The following ECE1 variants were observed in gnomAD, a reference collection of about 807,000 sequenced individuals.
ECE1 encodes endothelin-converting enzyme 1.
A neutral mutation model predicts 98.6 loss-of-function variants in ECE1; 35 were observed. The observed-to-expected ratio is 0.35, with a 90% CI of 0.27 to 0.47. The LOEUF (loss-of-function observed/expected upper bound fraction) is 0.47. Ranked by LOEUF, ECE1 falls within the 20% of genes least tolerant of loss-of-function variation. ECE1 has a pLI of 1.00. For synonymous variants in ECE1, 394 were observed against 407.1 expected (o/e 0.97, Z 0.39); for missense variants, 814 against 1,025.3 (o/e 0.79, Z 2.81).
chr1:21,264,319 CCTTT>C (rs1558398403), intron 4 of ECE1, among the ~76,000 whole-genome samples: 2 of 143,622 alleles, frequency 1.4e-5, no homozygotes, highest in Non-Finnish European at 1.5e-5. Flanking sequence ...TCCCCCCCCC[CCTTT>C]TTTTTTTTTG....
At chr1:21,254,386 AG>A (rs2098217238) in intron 8 of ECE1, among the ~76,000 whole-genome samples, 1 of 152,124 alleles carries the variant, frequency 6.6e-6, no homozygotes, top group African/African-American at 2.4e-5. Context: ...ATCTAAGCCC[AG>A]GGCTTGTGTA....
rs971623803 is a variant in ECE1, at chr1:21,235,710, AC to A, written c.1566+139del. Reference sequence around the variant, plus strand: ...AGAGGCTTCCTCATGCCTGACCCATACCCAAGCCCCACACCACATCATCCCT... The same window carrying A: ...AGAGGCTTCCTCATGCCTGACCCATACCAAGCCCCACACCACATCATCCCT... On this transcript the variant is annotated intron_variant, in intron 13 of 18. Coordinates refer to ENST00000374893, the MANE Select transcript of ECE1 (RefSeq NM_001397.3). This position sits in a 1 kb window ranked among gnomAD's most constrained non-coding sequence, Gnocchi z 4.2. The A allele has an allele frequency of 3.2e-6, 3 of 942,516 alleles. No individual in the cohort carries two copies. In the African/African-American group the frequency reaches 4.8e-5, roughly 15 times the overall value. 58.4% of individuals were successfully genotyped at this position (942,516 alleles called of 1,614,324 possible). A position where few individuals can be genotyped will look rare whatever the true frequency, so the allele number is the denominator to read the frequency against.
At chr1:21,337,382 A>G (rs1448099780) in intron 1 of ECE1, among the ~76,000 whole-genome samples, 1 of 152,224 alleles carries the variant, frequency 6.6e-6, no homozygotes, top group Non-Finnish European at 1.5e-5. Context: ...AACCAGGCCA[A>G]ACTAGAGGGC....
intron 2 of ECE1, among the ~76,000 whole-genome samples, chr1:21,281,114 C>T (rs183397513): frequency 1.3e-5 from 2 of 152,192 alleles, no homozygotes; most frequent in South Asian, 2.1e-4. Flanking sequence ...CGCTTGAACC[C>T]GGGAGGCGGA....
chr1:21,283,428 G>A (rs1431503161), intron 2 of ECE1, among the ~76,000 whole-genome samples: 5 of 151,888 alleles, frequency 3.3e-5, no homozygotes, highest in Admixed American at 6.6e-5. Context: ...CCGCCACCAC[G>A]CCGGGCTAAT....
chr1:21,280,324 G>A (rs2098252938), intron 2 of ECE1, among the ~76,000 whole-genome samples: 1 of 152,190 alleles, frequency 6.6e-6, no homozygotes, highest in Non-Finnish European at 1.5e-5. Flanking sequence ...CCAACTCAGG[G>A]CCATGCTGGA....
At chr1:21,343,297 G>A (rs12722999) in intron 1 of ECE1, among the ~76,000 whole-genome samples, 21,573 of 152,198 alleles carry the variant, frequency 0.14, 1,607 homozygotes, top group Middle Eastern at 0.19. Context: ...TAGAGTAAGT[G>A]TTCAACACGT....
intron 1 of ECE1, among the ~76,000 whole-genome samples, chr1:21,305,843 C>T (rs1054428605): frequency 3.9e-5 from 6 of 152,310 alleles, no homozygotes; most frequent in African/African-American, 7.2e-5. Context: ...CCACAAATAC[C>T]GCTGTGGTCA....
upstream of ECE1, chr1:21,290,486 A>G: frequency 8.2e-7 from 1 of 1,220,710 alleles, no homozygotes. This position sits in a 1 kb window ranked among gnomAD's most constrained non-coding sequence, Gnocchi z 7.3. Context: ...GCGTTGCACC[A>G]CCTTCGCGGG....
chr1:21,241,488 T>TA lies in ECE1; in HGVS notation c.1279-3245dup, dbSNP rs200313230. Among the ~76,000 whole-genome samples the TA allele has an allele frequency of 5.4e-3, 809 of 148,708 alleles. 6 individuals carry two copies. Among genetic ancestry groups the TA allele is most frequent in the African/African-American group, 0.019 (774 of 40,072 alleles). ...ATCAGGTTGGAGTGCAGTGGTGTGA[T>TA]ACCGGCTCACTGCAACCTCTGCTTC... On this transcript the variant is annotated intron_variant, in intron 10 of 18. Transcript: ENST00000374893.
At chr1:21,274,136 CA>C (rs2098243761) in intron 3 of ECE1, among the ~76,000 whole-genome samples, 1 of 152,254 alleles carries the variant, frequency 6.6e-6, no homozygotes, top group African/African-American at 2.4e-5. Flanking sequence ...ATGCAGGCAT[CA>C]TGTCCCTAGT....
chr1:21,344,128 AAAG>A (rs1213588140), intron 1 of ECE1, among the ~76,000 whole-genome samples: 15 of 152,298 alleles, frequency 9.8e-5, no homozygotes, highest in African/African-American at 2.9e-4. Context: ...GTGCCTAAGC[AAAG>A]AAGACCCTAG....
In ECE1 at chr1:21,307,613, C is replaced by T. The variant is rs1196061723; in HGVS notation, c.4-17457G>A. Reference sequence around the variant, plus strand: ...TTTTCTTGCACCCCAGGAGGCATTCCTGTCATTTGTCCCCACTGGGTCTGG... The same window carrying T: ...TTTTCTTGCACCCCAGGAGGCATTCTTGTCATTTGTCCCCACTGGGTCTGG... On this transcript the variant is annotated intron_variant, in intron 1 of 18. Coordinates refer to the ECE1 transcript ENST00000415912. The surrounding 1 kb of genome is among the most constrained non-coding windows in gnomAD (Gnocchi z 4.2). 1.3e-5 allele frequency among the ~76,000 whole-genome samples: 2 copies of T among 152,212 alleles called. No homozygotes were observed. The highest frequency in any genetic ancestry group is 3.9e-4 in the East Asian group (2 of 5,194).
intron 1 of ECE1, among the ~76,000 whole-genome samples, chr1:21,308,769 C>A (rs905511703): frequency 6.6e-6 from 1 of 152,100 alleles, no homozygotes; most frequent in Admixed American, 6.5e-5. Flanking sequence ...GGGGCCTGAG[C>A]GAATGCTGCA....
chr1:21,305,661 T>C (rs1192186132), intron 1 of ECE1, among the ~76,000 whole-genome samples: 1 of 151,982 alleles, frequency 6.6e-6, no homozygotes, highest in Non-Finnish European at 1.5e-5. Context: ...AGTGGGAGCA[T>C]TTCAGTTCGT....
In ECE1 at chr1:21,258,790, T is replaced by A. The variant is rs1558393672; in HGVS notation, c.665A>T (p.Asp222Val). 1 of 1,614,034 alleles carries A rather than the reference T, an allele frequency of 6.2e-7. No homozygotes were observed. The highest frequency in any genetic ancestry group is 8.5e-7 in the Non-Finnish European group (1 of 1,180,032). Residue 222 changes from aspartate to valine, a missense_variant, in exon 6 of 19, where the codon GAC becomes GTC. Coordinates refer to ENST00000374893, the MANE Select transcript of ECE1 (RefSeq NM_001397.3). The surrounding 1 kb of genome is among the most constrained non-coding windows in gnomAD (Gnocchi z 4.2). Reference protein sequence around the residue: ...TGPWAKDNFQDTLQVVTAHYR... With the variant: ...TGPWAKDNFQVTLQVVTAHYR... Reference sequence around the variant, plus strand: ...GTGGGCGGTGACCACCTGCAGGGTGTCCTGGAAGTTGTCCTTGGCCCAGGG... The same window carrying A: ...GTGGGCGGTGACCACCTGCAGGGTGACCTGGAAGTTGTCCTTGGCCCAGGG...
upstream of ECE1, chr1:21,293,526 T>C (rs937533010): frequency 3.9e-5 from 6 of 152,114 alleles, no homozygotes; most frequent in Non-Finnish European, 1.5e-5. Flanking sequence ...CCAGGGACTC[T>C]GATGTCCACC....
chr1:21,324,022 A>G (rs1253284824), intron 1 of ECE1, among the ~76,000 whole-genome samples: 1 of 151,850 alleles, frequency 6.6e-6, no homozygotes, highest in East Asian at 1.9e-4. Context: ...GGTTTTTGCC[A>G]TGTTGGTCTG....
chr1:21,313,628 T>C (rs1357778372), intron 1 of ECE1, among the ~76,000 whole-genome samples: 1 of 152,108 alleles, frequency 6.6e-6, no homozygotes, highest in East Asian at 1.9e-4. Context: ...CCCTCAACCT[T>C]GGAGTGGAAA....
Sources: allele counts gnomAD v4.1 joint callset (sites outside exome capture counted in the v4.1 genomes callset), GRCh38; gene constraint gnomAD v4.1.1; non-coding constraint Gnocchi (gnomAD v3.1); transcripts MANE v1.5; gene names NCBI Gene and HGNC (gene_info 2026-07-23, HGNC 2026-07-21).